TXNDC11: variants seen among roughly 807,000 people sequenced by gnomAD.
The protein encoded by TXNDC11 is thioredoxin domain containing 11, also known as thioredoxin domain-containing protein 11.
TXNDC11 carries 68 observed loss-of-function variants against 78.0 expected under a neutral mutation model. The observed-to-expected ratio is 0.87, with a 90% CI of 0.72 to 1.07. The LOEUF (loss-of-function observed/expected upper bound fraction) is 1.07. Ranked by LOEUF, TXNDC11 falls within the 50% of genes least tolerant of loss-of-function variation. TXNDC11 has a pLI of 0.00. For synonymous variants in TXNDC11, 571 were observed against 495.2 expected (o/e 1.15, Z -2.03); for missense variants, 1,389 against 1,221.8 (o/e 1.14, Z -2.04).
intron 5 of TXNDC11, among the ~76,000 whole-genome samples, chr16:11,708,287 T>C (rs1328248942): frequency 1.3e-5 from 2 of 152,220 alleles, no homozygotes; most frequent in African/African-American, 4.8e-5. Context: ...ACAATGTTTC[T>C]TGAATTTTTT....
chr16:11,707,552 G>A (rs1162034473), intron 5 of TXNDC11, among the ~76,000 whole-genome samples: 6 of 151,512 alleles, frequency 4.0e-5, no homozygotes, highest in African/African-American at 1.5e-4. Context: ...AGGTTCAAGC[G>A]ATTCTCCTGC....
At chr16:11,683,390 G>A (rs182229058) in intron 11 of TXNDC11, among the ~76,000 whole-genome samples, 98 of 152,278 alleles carry the variant, frequency 6.4e-4, no homozygotes, top group Admixed American at 5.6e-3. Flanking sequence ...CCTGGAATCC[G>A]AGAAAAGGAC....
chr16:11,715,838 G>C, intron 5 of TXNDC11, among the ~76,000 whole-genome samples: 1 of 152,208 alleles, frequency 6.6e-6, no homozygotes. Context: ...CTGCTGGTCA[G>C]TCAATGACAT....
At chr16:11,723,879 A>G (rs1441857935) in intron 4 of TXNDC11, among the ~76,000 whole-genome samples, 1 of 152,250 alleles carries the variant, frequency 6.6e-6, no homozygotes, top group Non-Finnish European at 1.5e-5. Flanking sequence ...GTGTTCTTAA[A>G]TGGATACAGA....
rs780914402 is a variant in TXNDC11, at chr16:11,691,781, G to A, written c.1409C>T (p.Ala470Val). The change falls in exon 8 of 12, where the codon GCA becomes GTA. Residue 470 changes from alanine to valine, a missense_variant. Transcript: ENST00000283033. ...CTTGAGGTAGAAAGAATCCAGAGCTGCTGCCATTTCAAAAAAGCTGCACTG... is the reference window on the plus strand; with the variant it reads ...CTTGAGGTAGAAAGAATCCAGAGCTACTGCCATTTCAAAAAAGCTGCACTG... ...VPQCSFFEMA[A>V]ALDSFYLKEQ... 1 of 1,614,126 alleles carries A rather than the reference G, an allele frequency of 6.2e-7. No homozygotes were observed. The highest frequency in any genetic ancestry group is 1.3e-5 in the African/African-American group (1 of 74,948).
intron 5 of TXNDC11, among the ~76,000 whole-genome samples, chr16:11,718,065 T>TG (rs1198847949): frequency 3.3e-5 from 5 of 152,028 alleles, no homozygotes; most frequent in African/African-American, 4.8e-5. Context: ...TTGCGTTAAG[T>TG]GGGGGGTAAA....
At chr16:11,704,889 G>A (rs74728875) in intron 5 of TXNDC11, among the ~76,000 whole-genome samples, 475 of 151,054 alleles carry the variant, frequency 3.1e-3, no homozygotes, top group East Asian at 5.9e-3. Flanking sequence ...GAATAGGACC[G>A]AACCAATGTT....
intron 7 of TXNDC11, among the ~76,000 whole-genome samples, chr16:11,695,939 G>A (rs770064860): frequency 6.6e-4 from 100 of 151,990 alleles, no homozygotes; most frequent in Non-Finnish European, 1.1e-3. Context: ...GGAGGCTGAG[G>A]TGGGAGGATC....
At chr16:11,700,344 C>T (rs942155370) in intron 6 of TXNDC11, 108 bp downstream of exon 6, 1 of 518,310 alleles carries the variant, frequency 1.9e-6, no homozygotes, top group Non-Finnish European at 3.4e-6. Context: ...ATCATATGCG[C>T]TTTTCTAGAG....
chr16:11,681,870 T>A (rs1452212436), intron 11 of TXNDC11, among the ~76,000 whole-genome samples: 1 of 152,234 alleles, frequency 6.6e-6, no homozygotes, highest in Non-Finnish European at 1.5e-5. Flanking sequence ...TTGCATTTTT[T>A]TCCTTCATGA....
At chr16:11,682,336 A>C (rs777809856) in intron 11 of TXNDC11, among the ~76,000 whole-genome samples, 2 of 152,246 alleles carry the variant, frequency 1.3e-5, no homozygotes, top group Non-Finnish European at 2.9e-5. Context: ...TCCTTACATT[A>C]AAAGAGAAGT....
At chr16:11,730,615 T>G (rs897239876) in intron 4 of TXNDC11, 30 bp downstream of exon 4, 1 of 1,608,710 alleles carries the variant, frequency 6.2e-7, no homozygotes, top group African/African-American at 1.3e-5. Flanking sequence ...AGGCCTTGAG[T>G]ATGGAGGAGG....
chr16:11,738,166 T>C lies in TXNDC11; in HGVS notation c.255-1933A>G, dbSNP rs1035692072. On this transcript the variant is annotated intron_variant, in intron 1 of 11. Coordinates refer to ENST00000283033, the MANE Select transcript of TXNDC11 (RefSeq NM_015914.7). ...ACTTGGATGAGTCTCAAAATGATTA[T>C]GCTGAGTGAAAAAAGTGCTAAAGAG... Among the ~76,000 whole-genome samples the C allele has an allele frequency of 3.3e-5, 5 of 152,226 alleles. No individual in the cohort carries two copies. In the East Asian group the frequency reaches 9.6e-4, roughly 29 times the overall value.
chr16:11,694,097 C>CTTTTTTTTTT (rs535913245), intron 7 of TXNDC11, among the ~76,000 whole-genome samples: 3 of 85,690 alleles, frequency 3.5e-5, no homozygotes, highest in African/African-American at 9.8e-5. Flanking sequence ...TACAGCAATG[C>CTTTTTTTTTT]TTTTTTTTTT....
chr16:11,683,352 G>A (rs1049898850), intron 11 of TXNDC11, among the ~76,000 whole-genome samples: 4 of 152,144 alleles, frequency 2.6e-5, no homozygotes, highest in Non-Finnish European at 1.5e-5. Context: ...CAGTCTGCAC[G>A]CATGGGAGAA....
rs1054327946 is a variant in TXNDC11 at position 11,691,539 on chromosome 16, G to A, written c.1651C>T (p.His551Tyr). The change falls in exon 8 of 12, where the codon CAC becomes TAC. Residue 551 changes from histidine to tyrosine, a missense_variant. By Grantham distance (83) the His-to-Tyr change is moderately conservative. Coordinates refer to ENST00000283033, the MANE Select transcript of TXNDC11 (RefSeq NM_015914.7). Reference sequence around the variant, plus strand: ...AAGAGATACCTGTTCTCCTCAATGTGAGGAACGGAGCTTGGGGCATCAACC... The same window carrying A: ...AAGAGATACCTGTTCTCCTCAATGTAAGGAACGGAGCTTGGGGCATCAACC... Reference protein sequence around the residue: ...CEVDAPSSVPHIEENRYLFPE... With the variant: ...CEVDAPSSVPYIEENRYLFPE... 4 of 1,614,204 alleles carry A rather than the reference G, an allele frequency of 2.5e-6. No homozygotes were observed. Among genetic ancestry groups the A allele is most frequent in the Non-Finnish European group, 2.5e-6 (3 of 1,180,026 alleles).
At chr16:11,721,489 T>C (rs781737662) in intron 5 of TXNDC11, 88 bp downstream of exon 5, 265 of 700,396 alleles carry the variant, frequency 3.8e-4, no homozygotes, top group Non-Finnish European at 5.5e-4. Flanking sequence ...TCAAGCAAAT[T>C]AGAATATATA....
chr16:11,714,211 C>G (rs2051454762), intron 5 of TXNDC11, among the ~76,000 whole-genome samples: 1 of 152,070 alleles, frequency 6.6e-6, no homozygotes, highest in African/African-American at 2.4e-5. Flanking sequence ...TTTGTAGAGA[C>G]GGGGTTTCGC....
chr16:11,699,828 G>C (rs1218069353), intron 6 of TXNDC11, among the ~76,000 whole-genome samples: 1 of 152,256 alleles, frequency 6.6e-6, no homozygotes, highest in African/African-American at 2.4e-5. Flanking sequence ...AGTCAACTCA[G>C]TGATGTGACT....
Sources: gnomAD v4.1 joint callset for allele counts (sites outside exome capture counted in the v4.1 genomes callset) on GRCh38, gnomAD v4.1.1 for gene constraint, MANE v1.5 for transcripts, NCBI Gene and HGNC (gene_info 2026-07-23, HGNC 2026-07-21) for gene names.